SLC9A9: variants seen among roughly 807,000 people sequenced by gnomAD.
SLC9A9 encodes the protein sodium/hydrogen exchanger 9.
Under a neutral mutation model 77.8 loss-of-function variants are expected in SLC9A9, and 62 were observed. The ratio of observed to expected loss-of-function variants is 0.80; its 90% CI spans 0.65 to 0.98. The LOEUF is 0.98. Among genes scored for constraint, SLC9A9 ranks in the 50% least tolerant of loss-of-function variants. The probability of loss-of-function intolerance (pLI) is 0.00; values close to 1 mark genes in which losing one functional copy is unlikely to be tolerated. For synonymous variants in SLC9A9, 320 were observed against 283.5 expected, an observed-to-expected ratio of 1.13 and a Z score of -1.29; for missense variants, 775 against 774.9, an observed-to-expected ratio of 1.00 and a Z score of 0.00.
chr3:143,714,903 G>A (rs1934293620), intron 4 of SLC9A9, among the ~76,000 whole-genome samples: 1 of 152,170 alleles, frequency 6.6e-6, no homozygotes, highest in Non-Finnish European at 1.5e-5. Flanking sequence ...GACCCGGTGG[G>A]AGGTAATTGA....
intron 14 of SLC9A9, among the ~76,000 whole-genome samples, chr3:143,306,057 C>CT (rs143903743): frequency 0.015 from 2,300 of 151,754 alleles, 63 homozygotes; most frequent in African/African-American, 0.054. Context: ...AATGGAATTT[C>CT]TTTAAAAAAA....
At chr3:143,811,753 T>G (rs558775204) in intron 2 of SLC9A9, 9 of 453,780 alleles carry the variant, frequency 2.0e-5, no homozygotes, top group Non-Finnish European at 3.5e-5. Flanking sequence ...TCCCAGCTAC[T>G]CTGGAGTCTA....
chr3:143,342,537 T>C (rs1331020562), intron 14 of SLC9A9, among the ~76,000 whole-genome samples: 1 of 152,178 alleles, frequency 6.6e-6, no homozygotes, highest in Non-Finnish European at 1.5e-5. Context: ...CTATCTTAGA[T>C]TTTAAACACC....
chr3:143,706,780 ATAAACTTTCTT>A, intron 4 of SLC9A9, among the ~76,000 whole-genome samples: 1 of 152,368 alleles, frequency 6.6e-6, no homozygotes, highest in South Asian at 2.1e-4. Flanking sequence ...ACACAAATTC[ATAAACTTTCTT>A]TAAACATTAT....
intron 12 of SLC9A9, among the ~76,000 whole-genome samples, chr3:143,435,531 A>T (rs1019753431): frequency 6.6e-6 from 1 of 152,198 alleles, no homozygotes; most frequent in African/African-American, 2.4e-5. Context: ...AAAATTACTG[A>T]CTCATTACAG....
chr3:143,701,529 T>A (rs1353078787), intron 4 of SLC9A9, among the ~76,000 whole-genome samples: 1 of 152,098 alleles, frequency 6.6e-6, no homozygotes, highest in African/African-American at 2.4e-5. Context: ...AAAGAATGCA[T>A]CGGAGTCTTT....
rs373679711 is a variant in SLC9A9 at position 143,722,814 on chromosome 3, C to A, written c.534-29507G>T. Among the ~76,000 whole-genome samples the A allele has an allele frequency of 3.9e-5, 6 of 152,328 alleles. No homozygotes were observed. The East Asian group carries it at 1.2e-3, about 29-fold the overall frequency. ...TCTATTTATTTACCTGTTCTTTCTA[C>A]ATAAAGCTCAATTATTTCTGATAAT... On this transcript the variant is annotated intron_variant, in intron 4 of 15. Coordinates refer to ENST00000316549, the MANE Select transcript of SLC9A9 (RefSeq NM_173653.4).
At chr3:143,374,641 A>AT (rs1006234234) in intron 13 of SLC9A9, among the ~76,000 whole-genome samples, 3 of 151,814 alleles carry the variant, frequency 2.0e-5, no homozygotes, top group East Asian at 1.9e-4. Flanking sequence ...TTTCAAAACA[A>AT]TTTTTTTGTG....
intron 12 of SLC9A9, among the ~76,000 whole-genome samples, chr3:143,398,656 A>G (rs1296795340): frequency 2.6e-5 from 4 of 151,870 alleles, no homozygotes; most frequent in African/African-American, 9.7e-5. Flanking sequence ...ATTTTGCACC[A>G]GTAAATCTGT....
At chr3:143,714,469 C>A (rs1290558432) in intron 4 of SLC9A9, among the ~76,000 whole-genome samples, 11 of 152,166 alleles carry the variant, frequency 7.2e-5, no homozygotes, top group Non-Finnish European at 1.3e-4. Context: ...CGAGTCCAGT[C>A]TAATATATCT....
intron 9 of SLC9A9, among the ~76,000 whole-genome samples, chr3:143,539,972 G>A (rs151039070): frequency 6.6e-6 from 1 of 152,008 alleles, no homozygotes; most frequent in African/African-American, 2.4e-5. Flanking sequence ...CCATGATTTG[G>A]GGGAAAATAT....
At chr3:143,344,752 T>A (rs1228837719) in intron 14 of SLC9A9, among the ~76,000 whole-genome samples, 2 of 152,192 alleles carry the variant, frequency 1.3e-5, no homozygotes, top group African/African-American at 4.8e-5. Flanking sequence ...AAACAAAATG[T>A]TTCCTGGCAT....
chr3:143,589,179 T>C (rs2037608057), intron 6 of SLC9A9, among the ~76,000 whole-genome samples: 1 of 152,208 alleles, frequency 6.6e-6, no homozygotes, highest in South Asian at 2.1e-4. Context: ...ATTCACTATG[T>C]GTCAAGCACT....
At chr3:143,699,215 A>G (rs1035994426) in intron 4 of SLC9A9, among the ~76,000 whole-genome samples, 6 of 152,232 alleles carry the variant, frequency 3.9e-5, no homozygotes, top group Non-Finnish European at 8.8e-5. Context: ...AATAATATAC[A>G]TAATTCCTAT....
At chr3:143,733,893 G>GA (rs1934872758) in intron 4 of SLC9A9, among the ~76,000 whole-genome samples, 1 of 152,024 alleles carries the variant, frequency 6.6e-6, no homozygotes, top group East Asian at 1.9e-4. Flanking sequence ...AGGATAACTC[G>GA]AATTGACTAA....
intron 11 of SLC9A9, among the ~76,000 whole-genome samples, chr3:143,492,707 A>G (rs1021930530): frequency 6.6e-6 from 1 of 152,232 alleles, no homozygotes; most frequent in African/African-American, 2.4e-5. Context: ...CACAGGATTA[A>G]TTAAAAAATA....
At chr3:143,346,873 A>G (rs1391171639) in intron 14 of SLC9A9, 3 of 152,144 alleles carry the variant, frequency 2.0e-5, no homozygotes, top group Non-Finnish European at 2.9e-5. Flanking sequence ...ATGAGAGAAG[A>G]AATAGTAAGA....
At chr3:143,671,165 A>G (rs572641430) in intron 5 of SLC9A9, among the ~76,000 whole-genome samples, 1 of 152,320 alleles carries the variant, frequency 6.6e-6, no homozygotes, top group South Asian at 2.1e-4. Context: ...TGCTATCACT[A>G]GATAACATAC....
chr3:143,437,633 G>A (rs2034647426), intron 12 of SLC9A9, among the ~76,000 whole-genome samples: 1 of 152,208 alleles, frequency 6.6e-6, no homozygotes, highest in Admixed American at 6.5e-5. Flanking sequence ...TCTATACGCA[G>A]AGGGAGAGCT....
Sources: allele counts gnomAD v4.1 joint callset (sites outside exome capture counted in the v4.1 genomes callset), GRCh38; gene constraint gnomAD v4.1.1; transcripts MANE v1.5; gene names NCBI Gene and HGNC (gene_info 2026-07-23, HGNC 2026-07-21).